Variants in MICALL2 observed in about 807,000 individuals in gnomAD.
MICALL2 encodes MICAL like 2, also known as MICAL-like protein 2.
A neutral mutation model predicts 91.1 loss-of-function variants in MICALL2; 111 were observed. That is an observed-to-expected ratio of 1.22 (90% CI 1.04 to 1.43). The LOEUF is 1.43. Ranked by LOEUF, MICALL2 falls within the 40% of genes most tolerant of loss-of-function variation. The probability of loss-of-function intolerance (pLI) is 0.00; values close to 1 mark genes in which losing one functional copy is unlikely to be tolerated. For synonymous variants in MICALL2, 694 were observed against 525.3 expected (o/e 1.32, Z -4.39); for missense variants, 1,556 against 1,236.0 (o/e 1.26, Z -3.88).
intron 7 of MICALL2, chr7:1,441,766 C>T (rs1780291692): frequency 4.5e-6 from 1 of 220,206 alleles, no homozygotes; most frequent in Non-Finnish European, 9.1e-6. Flanking sequence ...TATGTGGTGA[C>T]ACAGGGTGCC....
chr7:1,440,187 G>A, intron 8 of MICALL2, 102 bp from the exon 9 acceptor site: 2 of 1,445,960 alleles, frequency 1.4e-6, no homozygotes, highest in Non-Finnish European at 1.9e-6. Flanking sequence ...GAGGGAGCAG[G>A]TGGCCTTCTG....
chr7:1,434,822 C>T, intron 16 of MICALL2, 150 bp from the exon 17 acceptor site: 7 of 850,978 alleles, frequency 8.2e-6, no homozygotes, highest in Non-Finnish European at 1.2e-5. Context: ...TGTGCCCTCC[C>T]ACGTGAGAAC....
chr7:1,448,033 G>T (rs985553044), intron 3 of MICALL2: 28 of 188,728 alleles, frequency 1.5e-4, no homozygotes, highest in Non-Finnish European at 1.8e-4. Context: ...CCCTGTGCCC[G>T]GAATGGTTCT....
Position 1,438,603 on chromosome 7 carries a change from G to A in MICALL2, c.2122+237C>T, listed in dbSNP as rs981995865. On this transcript the variant is annotated intron_variant, in intron 10 of 16. Coordinates refer to ENST00000297508, the MANE Select transcript of MICALL2 (RefSeq NM_182924.4). ...CACCCCAGCCACCCCAGTCCCTCAAGCTGCCAGAAGCAGACATTCCATCAT... is the reference window on the plus strand; with the variant it reads ...CACCCCAGCCACCCCAGTCCCTCAAACTGCCAGAAGCAGACATTCCATCAT... 11 of 1,420,352 alleles carry A rather than the reference G, an allele frequency of 7.7e-6. No homozygotes were observed. The African/African-American group carries it at 8.6e-5, about 11-fold the overall frequency. 88.0% of individuals were successfully genotyped at this position (1,420,352 alleles called of 1,614,324 possible). A position where few individuals can be genotyped will look rare whatever the true frequency, so the allele number is the denominator to read the frequency against.
intron 1 of MICALL2, among the ~76,000 whole-genome samples, chr7:1,453,044 C>A (rs2128525420): frequency 6.6e-6 from 1 of 151,970 alleles, no homozygotes; most frequent in South Asian, 2.1e-4. Context: ...GGCCCCTGAG[C>A]AGCTGAGCTC....
rs1780842128 is a variant in MICALL2, at chr7:1,451,838, G to A, written c.144-1550C>T. 6.6e-6 allele frequency among the ~76,000 whole-genome samples: 1 copy of A among 152,224 alleles called. No individual in the cohort carries two copies. ...AGACCCCTGTGGCCACGCAGCCTGG[G>A]CGGCCTAGTTCTGAGCCCAGCCTGC... On this transcript the variant is annotated intron_variant, in intron 1 of 16. Transcript: ENST00000297508. This position sits in a 1 kb window ranked among gnomAD's most constrained non-coding sequence, Gnocchi z 4.5.
chr7:1,450,017 G>A (rs1047518462), intron 2 of MICALL2, among the ~76,000 whole-genome samples: 1 of 152,232 alleles, frequency 6.6e-6, no homozygotes, highest in Admixed American at 6.5e-5. Flanking sequence ...CAGGAAAAGA[G>A]GGGACCAGTA....
intron 1 of MICALL2, among the ~76,000 whole-genome samples, chr7:1,450,811 C>T (rs549216754): frequency 3.4e-5 from 5 of 148,616 alleles, no homozygotes; most frequent in Non-Finnish European, 6.0e-5. Flanking sequence ...GGATCCACCT[C>T]GTCCCACACA....
At chr7:1,441,834 G>A in intron 7 of MICALL2, 1 of 312,670 alleles carries the variant, frequency 3.2e-6, no homozygotes. Context: ...CACCACGGGA[G>A]AACAGGAGGC....
intron 14 of MICALL2, chr7:1,437,071 G>A (rs941539371): frequency 1.8e-5 from 9 of 491,416 alleles, no homozygotes; most frequent in African/African-American, 4.1e-5. Context: ...CCATCATCTC[G>A]CAGAAACACC....
chr7:1,441,875 C>G (rs1780297361), intron 7 of MICALL2: 1 of 394,644 alleles, frequency 2.5e-6, no homozygotes, highest in African/African-American at 2.1e-5. Context: ...CAGGCCACTG[C>G]TAGCCACAGG....
intron 2 of MICALL2, among the ~76,000 whole-genome samples, chr7:1,449,378 C>CA (rs1388492153): frequency 1.3e-5 from 2 of 152,220 alleles, no homozygotes; most frequent in Non-Finnish European, 1.5e-5. Context: ...AGCGCAGCGT[C>CA]AGCTCACTGC....
intron 5 of MICALL2, 39 bp from the exon 6 acceptor site, chr7:1,445,467 G>A (rs1026166942): frequency 9.0e-6 from 13 of 1,448,878 alleles, no homozygotes; most frequent in South Asian, 2.8e-5. Context: ...GCTCGGCACC[G>A]CCCACCCCGC....
intron 16 of MICALL2, 60 bp from the exon 17 acceptor site, chr7:1,434,732 A>G: frequency 2.0e-6 from 3 of 1,466,728 alleles, no homozygotes; most frequent in East Asian, 2.3e-5. Flanking sequence ...GCCGTGGCCC[A>G]CACAAGTCCC....
At chr7:1,438,712 T>TC (rs1229631101) in intron 10 of MICALL2, 128 bp downstream of exon 10, 1 of 1,487,780 alleles carries the variant, frequency 6.7e-7, no homozygotes, top group Non-Finnish European at 8.9e-7. Context: ...GCTGGGTCCT[T>TC]CCTCCAGGCT....
intron 16 of MICALL2, 190 bp from the exon 17 acceptor site, chr7:1,434,862 G>T (rs1018004061): frequency 2.1e-5 from 15 of 727,920 alleles, no homozygotes; most frequent in Admixed American, 2.9e-5. Flanking sequence ...CGGAGGGCTG[G>T]TCCCCACCAT....
Position 1,438,238 on chromosome 7 carries a change from G to A in MICALL2, c.2188-18C>T, listed in dbSNP as rs1584198401. The A allele has an allele frequency of 1.3e-6, 2 of 1,589,698 alleles. No individual in the cohort carries two copies. Among genetic ancestry groups the A allele is most frequent in the South Asian group, 2.3e-5 (2 of 87,928 alleles). On this transcript the variant is annotated intron_variant, in intron 11 of 16. Coordinates refer to ENST00000297508, the MANE Select transcript of MICALL2 (RefSeq NM_182924.4). Reference sequence around the variant, plus strand: ...GGGTGCAGCTGGGAACGGAGGGGCGGTGAGGATGCCGGAGGGCTGGGCCCC... The same window carrying A: ...GGGTGCAGCTGGGAACGGAGGGGCGATGAGGATGCCGGAGGGCTGGGCCCC...
intron 14 of MICALL2, 123 bp downstream of exon 14, chr7:1,437,412 C>G: frequency 1.2e-6 from 1 of 806,228 alleles, no homozygotes; most frequent in Non-Finnish European, 1.8e-6. Flanking sequence ...GTGGGCTCGC[C>G]TGGCTCCAGG....
intron 1 of MICALL2, among the ~76,000 whole-genome samples, chr7:1,454,213 C>T (rs965793578): frequency 5.3e-5 from 8 of 151,968 alleles, no homozygotes; most frequent in Non-Finnish European, 1.5e-5. Context: ...GAGCCCCAGC[C>T]GAGGCACATC....
Sources: gnomAD v4.1 joint callset for allele counts (sites outside exome capture counted in the v4.1 genomes callset) on GRCh38, gnomAD v4.1.1 for gene constraint, Gnocchi (gnomAD v3.1) non-coding constraint, MANE v1.5 for transcripts, NCBI Gene and HGNC (gene_info 2026-07-23, HGNC 2026-07-21) for gene names.